The following BTBD7 variants were observed in gnomAD, a reference collection of about 807,000 sequenced individuals.
BTBD7 encodes BTB domain containing 7.
A neutral mutation model predicts 99.9 loss-of-function variants in BTBD7; 38 were observed. The observed-to-expected ratio is 0.38, with a 90% CI of 0.29 to 0.50. BTBD7 has a LOEUF of 0.50. Among genes scored for constraint, BTBD7 ranks in the 20% least tolerant of loss-of-function variants. The pLI is 0.93. For missense variants in BTBD7, 1,170 were observed against 1,394.6 expected (o/e 0.84, Z 2.57); for synonymous variants, 520 against 511.4 (o/e 1.02, Z -0.23).
chr14:93,295,482 A>C (rs1185410251), intron 2 of BTBD7, among the ~76,000 whole-genome samples: 3 of 152,158 alleles, frequency 2.0e-5, no homozygotes, highest in Non-Finnish European at 4.4e-5. Flanking sequence ...AATTAGTCTA[A>C]ATTTTTTTAG....
chr14:93,291,789 TA>T (rs33995662), intron 3 of BTBD7, among the ~76,000 whole-genome samples: 88,335 of 144,042 alleles, frequency 0.61, 26,618 homozygotes, highest in African/African-American at 0.7. Context: ...AGCTAAACAC[TA>T]AAAAAAAAAA....
intron 1 of BTBD7, among the ~76,000 whole-genome samples, chr14:93,297,325 AAATT>A (rs1365393707): frequency 9.9e-5 from 15 of 152,158 alleles, no homozygotes; most frequent in African/African-American, 3.4e-4. Context: ...ATTTATATGA[AAATT>A]AATTATTTAT....
chr14:93,245,749 G>A lies in BTBD7; in HGVS notation c.2583+76C>T. ...CTGGGCACTGCTGAGTCCCAGTGGGGCTCTTGGGGCCAAGAAAATTGCTTC... is the reference window on the plus strand; with the variant it reads ...CTGGGCACTGCTGAGTCCCAGTGGGACTCTTGGGGCCAAGAAAATTGCTTC... On this transcript the variant is annotated intron_variant, in intron 10 of 10. Transcript: ENST00000334746. 3 of 1,543,164 alleles carry A rather than the reference G, an allele frequency of 1.9e-6. No homozygotes were observed. In the South Asian group the frequency reaches 3.7e-5, roughly 19 times the overall value.
chr14:93,307,835 C>T (rs2053088643), intron 1 of BTBD7, among the ~76,000 whole-genome samples: 1 of 152,144 alleles, frequency 6.6e-6, no homozygotes, highest in South Asian at 2.1e-4. Flanking sequence ...CAGTACCTGG[C>T]ACTTAGGAGG....
intron 3 of BTBD7, among the ~76,000 whole-genome samples, chr14:93,285,043 G>T (rs144877984): frequency 6.6e-6 from 1 of 152,142 alleles, no homozygotes; most frequent in African/African-American, 2.4e-5. Flanking sequence ...ACTCTGATCT[G>T]TTGATAATGG....
chr14:93,300,101 A>T (rs921324374), intron 1 of BTBD7, among the ~76,000 whole-genome samples: 2 of 152,148 alleles, frequency 1.3e-5, no homozygotes, highest in Non-Finnish European at 2.9e-5. Flanking sequence ...TCACTAATTT[A>T]CTATGTATGT....
At chr14:93,283,447 A>G (rs971698768) in intron 3 of BTBD7, among the ~76,000 whole-genome samples, 8 of 152,222 alleles carry the variant, frequency 5.3e-5, no homozygotes, top group East Asian at 1.9e-4. Context: ...TTAACAGTGC[A>G]TATTTTAGAG....
At chr14:93,295,859 G>T in intron 2 of BTBD7, 111 bp downstream of exon 2, 1 of 989,408 alleles carries the variant, frequency 1.0e-6, no homozygotes, top group Non-Finnish European at 1.5e-6. Context: ...AGATGCTGCA[G>T]AATTATTATA....
At position 93,332,867 on chromosome 14, in the gene BTBD7, TCGCCTCCGCCGC is replaced by T; in HGVS notation, c.-166_-155del. On this transcript the variant is annotated 5_prime_UTR_variant, in exon 1 of 11. Transcript: ENST00000334746. The stretch of plus-strand genomic sequence containing the variant: ...GCTGCTGCCGCTGGGACCGCTGCCG[TCGCCTCCGCCGC>T]CGCCGCCACCAGCACCGCCGTCCGC... 1 of 1,471,634 alleles carries T rather than the reference TCGCCTCCGCCGC, an allele frequency of 6.8e-7. No homozygotes were observed. The highest frequency in any genetic ancestry group is 9.0e-7 in the Non-Finnish European group (1 of 1,116,302). The allele number at this position is 1,471,634 out of a possible 1,614,324, so 91.2% of individuals were successfully genotyped here.
chr14:93,316,789 A>C (rs1286226087), intron 1 of BTBD7, among the ~76,000 whole-genome samples: 1 of 152,208 alleles, frequency 6.6e-6, no homozygotes, highest in African/African-American at 2.4e-5. Context: ...AAGATGGTAA[A>C]GTGATCATAA....
rs917606950 is a variant in BTBD7, at chr14:93,274,473, A to G, written c.1163-10480T>C. ...GCAAGGGAGTGAACACCCTATTGGA[A>G]ACACTTTTCCAATGGAGGGATGGAA... On this transcript the variant is annotated intron_variant, in intron 3 of 10. Transcript: ENST00000334746. Among the ~76,000 whole-genome samples, 21 of 152,276 alleles carry G rather than the reference A, an allele frequency of 1.4e-4. 1 individual carries two copies. Among genetic ancestry groups the G allele is most frequent in the Admixed American group, 1.2e-3 (19 of 15,300 alleles).
chr14:93,247,159 C>T (rs564209414), intron 9 of BTBD7, among the ~76,000 whole-genome samples: 2 of 151,444 alleles, frequency 1.3e-5, no homozygotes, highest in African/African-American at 4.9e-5. Flanking sequence ...CCCGAGGAAC[C>T]GGGACTACTG....
At chr14:93,279,684 A>AT (rs1344515068) in intron 3 of BTBD7, among the ~76,000 whole-genome samples, 1 of 152,142 alleles carries the variant, frequency 6.6e-6, no homozygotes, top group East Asian at 1.9e-4. Context: ...AGCAGCTGGG[A>AT]TTACAGGTGC....
At chr14:93,289,222 A>G (rs143229959) in intron 3 of BTBD7, among the ~76,000 whole-genome samples, 1 of 152,338 alleles carries the variant, frequency 6.6e-6, no homozygotes, top group East Asian at 1.9e-4. Flanking sequence ...GGCACAAATC[A>G]GGAATAGGGA....
intron 10 of BTBD7, chr14:93,244,275 T>C (rs1365708964): frequency 7.2e-6 from 2 of 279,572 alleles, no homozygotes; most frequent in African/African-American, 2.3e-5. Flanking sequence ...GCAAGCATGC[T>C]GAACCCAGAG....
intron 5 of BTBD7, among the ~76,000 whole-genome samples, 191 bp from the exon 6 acceptor site, chr14:93,257,546 T>C (rs2052444129): frequency 6.6e-6 from 1 of 152,246 alleles, no homozygotes; most frequent in Admixed American, 6.5e-5. Flanking sequence ...AGAAAAAGCA[T>C]GGTATCAACA....
intron 1 of BTBD7, among the ~76,000 whole-genome samples, chr14:93,316,601 A>AGGGTTTT (rs2053209436): frequency 6.6e-6 from 1 of 152,158 alleles, no homozygotes; most frequent in African/African-American, 2.4e-5. Flanking sequence ...CTATAAGGTA[A>AGGGTTTT]ACTATATAAG....
chr14:93,297,996 T>C (rs1038839035), intron 1 of BTBD7, among the ~76,000 whole-genome samples: 1 of 152,194 alleles, frequency 6.6e-6, no homozygotes, highest in Non-Finnish European at 1.5e-5. Context: ...GACGGCATGG[T>C]GTCACTCCTA....
Position 93,246,273 on chromosome 14 carries a change from A to T in BTBD7, c.2135T>A (p.Phe712Tyr). ...AAELLQNPHKFFPDERFGDES... is the reference protein window; with the variant it reads ...AAELLQNPHKYFPDERFGDES... ...ATCCCCAAAACGTTCATCAGGAAAGAATTTGTGAGGATTCTAAAAAAGATT... is the reference window on the plus strand; with the variant it reads ...ATCCCCAAAACGTTCATCAGGAAAGTATTTGTGAGGATTCTAAAAAAGATT... Residue 712 changes from phenylalanine to tyrosine, a missense_variant, in exon 10 of 11, where the codon TTC becomes TAC. Physicochemically the swap from Phe to Tyr is conservative, Grantham distance 22 (BLOSUM62 3). Transcript: ENST00000334746. 5 of 1,498,050 alleles carry T rather than the reference A, an allele frequency of 3.3e-6. No homozygotes were observed. Among genetic ancestry groups the T allele is most frequent in the Non-Finnish European group, 3.6e-6 (4 of 1,124,690 alleles). 92.8% of individuals were successfully genotyped at this position (1,498,050 alleles called of 1,614,324 possible).
Sources: gnomAD v4.1 joint callset for allele counts (sites outside exome capture counted in the v4.1 genomes callset) on GRCh38, gnomAD v4.1.1 for gene constraint, MANE v1.5 for transcripts, NCBI Gene and HGNC (gene_info 2026-07-23, HGNC 2026-07-21) for gene names.